PDE1C: variants seen among roughly 807,000 people sequenced by gnomAD.
PDE1C encodes phosphodiesterase 1C, also known as dual specificity calcium/calmodulin-dependent 3',5'-cyclic nucleotide phosphodiesterase 1C.
Under a neutral mutation model 93.1 loss-of-function variants are expected in PDE1C, and 62 were observed. The observed-to-expected ratio is 0.67, with a 90% CI of 0.54 to 0.82. The LOEUF (loss-of-function observed/expected upper bound fraction) is 0.82, where lower values mean the gene tolerates loss of function less well. Among genes scored for constraint, PDE1C ranks in the 40% least tolerant of loss-of-function variants. The pLI is 0.00. For missense variants in PDE1C, 742 were observed against 884.6 expected, an observed-to-expected ratio of 0.84 and a Z score of 2.04; for synonymous variants, 325 against 310.1, an observed-to-expected ratio of 1.05 and a Z score of -0.50.
intron 2 of PDE1C, among the ~76,000 whole-genome samples, chr7:32,183,464 T>C (rs1302415985): frequency 1.3e-5 from 2 of 151,932 alleles, no homozygotes; most frequent in Non-Finnish European, 2.9e-5. Context: ...TATAGACAAA[T>C]GGAACAGAAC....
At chr7:32,391,989 T>C (rs1030172214) in intron 1 of PDE1C, among the ~76,000 whole-genome samples, 1 of 151,812 alleles carries the variant, frequency 6.6e-6, no homozygotes, top group African/African-American at 2.4e-5. Context: ...GAGCGAAATA[T>C]CCATGAAATA....
chr7:31,714,831 C>A, the PDE1C span, among the ~76,000 whole-genome samples: 4 of 152,178 alleles, frequency 2.6e-5, no homozygotes, highest in African/African-American at 9.7e-5. Context: ...CCCACCAGGT[C>A]CCTCCCACAA....
At chr7:31,683,138 G>T in the PDE1C span, among the ~76,000 whole-genome samples, 1 of 152,164 alleles carries the variant, frequency 6.6e-6, no homozygotes, top group African/African-American at 2.4e-5. Flanking sequence ...CAGAGTTGGG[G>T]AAATCTGAAG....
chr7:32,250,585 G>A lies in PDE1C; in HGVS notation c.86-41046C>T, dbSNP rs1253564438. Among the ~76,000 whole-genome samples, 5 of 152,276 alleles carry A rather than the reference G, an allele frequency of 3.3e-5. No homozygotes were observed. The East Asian group carries it at 5.8e-4, about 18-fold the overall frequency. Reference sequence around the variant, plus strand: ...TTCTATGAAATCACATGTCAGTGCTGTCTCTCTAATGTCGTGAGGACTATA... The same window carrying A: ...TTCTATGAAATCACATGTCAGTGCTATCTCTCTAATGTCGTGAGGACTATA... On this transcript the variant is annotated intron_variant, in intron 1 of 18. Transcript: ENST00000396193.
rs117028344 is a variant in PDE1C, at chr7:32,109,430, C to T, written c.308+60355G>A. 3.6e-3 allele frequency among the ~76,000 whole-genome samples: 544 copies of T among 152,194 alleles called. 27 individuals carry two copies. In the East Asian group the frequency reaches 0.088, roughly 25 times the overall value. On this transcript the variant is annotated intron_variant, in intron 3 of 18. Transcript: ENST00000396193. Reference sequence around the variant, plus strand: ...AAAAGCACAGAGAGCCCATCTAATACGTCTGAATCAGGATTTCTCAGCCTC... The same window carrying T: ...AAAAGCACAGAGAGCCCATCTAATATGTCTGAATCAGGATTTCTCAGCCTC...
chr7:32,226,072 A>AG (rs980807248), intron 1 of PDE1C, among the ~76,000 whole-genome samples: 2 of 152,144 alleles, frequency 1.3e-5, no homozygotes, highest in Non-Finnish European at 2.9e-5. Flanking sequence ...AGAAAAAAAA[A>AG]GGAAAGAAAG....
intron 1 of PDE1C, among the ~76,000 whole-genome samples, chr7:32,411,074 A>G (rs758740880): frequency 6.6e-6 from 1 of 152,258 alleles, no homozygotes; most frequent in Non-Finnish European, 1.5e-5. Context: ...TAAATTTAGC[A>G]TCCCAAATCA....
chr7:31,862,375 G>C (rs1794781788), intron 7 of PDE1C, among the ~76,000 whole-genome samples: 1 of 152,176 alleles, frequency 6.6e-6, no homozygotes, highest in East Asian at 1.9e-4. Context: ...GAATGCTATA[G>C]GCTGGGTGAC....
chr7:31,897,788 T>G (rs899535233), intron 2 of PDE1C, among the ~76,000 whole-genome samples: 1 of 152,194 alleles, frequency 6.6e-6, no homozygotes, highest in East Asian at 1.9e-4. Context: ...CAACGCTCAT[T>G]AATTCTTCTA....
At chr7:32,406,051 G>A (rs1020048861) in intron 1 of PDE1C, among the ~76,000 whole-genome samples, 4 of 152,096 alleles carry the variant, frequency 2.6e-5, no homozygotes, top group African/African-American at 7.2e-5. Context: ...TGAGGTAGAC[G>A]TTACAAGTTA....
intron 1 of PDE1C, among the ~76,000 whole-genome samples, chr7:32,372,849 T>C (rs1463287261): frequency 6.6e-6 from 1 of 152,166 alleles, no homozygotes; most frequent in Non-Finnish European, 1.5e-5. Flanking sequence ...GCCAATATGC[T>C]CATGAAAATA....
At chr7:32,058,938 A>G (rs1263298679) in intron 1 of PDE1C, among the ~76,000 whole-genome samples, 3 of 151,908 alleles carry the variant, frequency 2.0e-5, no homozygotes, top group Non-Finnish European at 4.4e-5. Flanking sequence ...AAAGCAAGAC[A>G]ACAACAACAA....
chr7:31,707,021 ACCT>A, the PDE1C span, among the ~76,000 whole-genome samples: 1 of 152,112 alleles, frequency 6.6e-6, no homozygotes, highest in Admixed American at 6.5e-5. Context: ...CTCATTGAGC[ACCT>A]CTGGGAAGCC....
intron 17 of PDE1C, among the ~76,000 whole-genome samples, chr7:31,769,698 T>A (rs1315657670): frequency 3.3e-5 from 5 of 152,170 alleles, no homozygotes; most frequent in Non-Finnish European, 5.9e-5. Flanking sequence ...ATCACCACTG[T>A]TTAATTCCAG....
intron 1 of PDE1C, among the ~76,000 whole-genome samples, chr7:32,053,126 C>G (rs141790816): frequency 2.0e-5 from 3 of 152,284 alleles, no homozygotes; most frequent in African/African-American, 7.2e-5. Context: ...GGCTCTAGCA[C>G]TTAGCTTTAC....
At chr7:32,395,983 G>C (rs1784834230) in intron 1 of PDE1C, among the ~76,000 whole-genome samples, 1 of 152,016 alleles carries the variant, frequency 6.6e-6, no homozygotes, top group African/African-American at 2.4e-5. Context: ...AAACTCAGTA[G>C]TCCCTAAATT....
intron 2 of PDE1C, among the ~76,000 whole-genome samples, chr7:31,983,331 G>A (rs969203903): frequency 6.6e-6 from 1 of 152,152 alleles, no homozygotes; most frequent in Non-Finnish European, 1.5e-5. Context: ...TAAAAGACAG[G>A]AAATGAGACC....
chr7:31,694,380 T>TCAAACACACACACACACACA, the PDE1C span, among the ~76,000 whole-genome samples: 16 of 109,214 alleles, frequency 1.5e-4, 1 homozygote, highest in African/African-American at 6.2e-4. Flanking sequence ...TCTCTCTCTC[T>TCAAACACACACACACACACA]CTCTCAAACA....
At chr7:31,773,702 C>T (rs774968262) in intron 17 of PDE1C, among the ~76,000 whole-genome samples, 5 of 151,998 alleles carry the variant, frequency 3.3e-5, no homozygotes, top group African/African-American at 4.8e-5. Flanking sequence ...TCTGTGTAGT[C>T]GTAAACTAAA....
Sources: allele counts gnomAD v4.1 joint callset (sites outside exome capture counted in the v4.1 genomes callset), GRCh38; gene constraint gnomAD v4.1.1; transcripts MANE v1.5; gene names NCBI Gene and HGNC (gene_info 2026-07-23, HGNC 2026-07-21).